The following NRG1 variants were observed in gnomAD, a reference collection of about 807,000 sequenced individuals.
The protein encoded by NRG1 is neuregulin 1.
NRG1 carries 18 observed loss-of-function variants against 63.8 expected under a neutral mutation model. The observed-to-expected ratio is 0.28, with a 90% CI of 0.19 to 0.42. The LOEUF is 0.42. NRG1 is among the 10% of genes least tolerant of loss of function. The probability of loss-of-function intolerance (pLI) is 1.00; values close to 1 mark genes in which losing one functional copy is unlikely to be tolerated. For synonymous variants in NRG1, 302 were observed against 301.3 expected (o/e 1.00, Z -0.02); for missense variants, 762 against 814.7 (o/e 0.94, Z 0.79).
At chr8:32,373,223 A>G (rs1267259660) in intron 1 of NRG1, among the ~76,000 whole-genome samples, 1 of 152,206 alleles carries the variant, frequency 6.6e-6, no homozygotes, top group Non-Finnish European at 1.5e-5. Flanking sequence ...AAAAAGGCAT[A>G]TATCCATCAA....
intron 1 of NRG1, among the ~76,000 whole-genome samples, chr8:32,071,987 T>C (rs960071): frequency 0.055 from 8,410 of 152,062 alleles, 775 homozygotes; most frequent in African/African-American, 0.19. Flanking sequence ...TCTTTAAGGG[T>C]AAAATAAAGA....
intron 1 of NRG1, among the ~76,000 whole-genome samples, chr8:32,059,469 T>G (rs998505859): frequency 6.6e-6 from 1 of 152,040 alleles, no homozygotes; most frequent in Non-Finnish European, 1.5e-5. Flanking sequence ...TTTATTATAA[T>G]ACATCCTAAA....
At chr8:32,653,659 G>C (rs1156681070) in intron 5 of NRG1, among the ~76,000 whole-genome samples, 3 of 152,156 alleles carry the variant, frequency 2.0e-5, no homozygotes, top group Non-Finnish European at 2.9e-5. Context: ...ATTATTTTCA[G>C]ATTCTAGAGA....
chr8:31,913,171 G>T (rs894102652), intron 1 of NRG1, among the ~76,000 whole-genome samples: 2 of 152,098 alleles, frequency 1.3e-5, no homozygotes, highest in African/African-American at 2.4e-5. Context: ...TTCAATATAG[G>T]TTTGCCAGAC....
chr8:32,425,458 T>C (rs1474500040), intron 1 of NRG1, among the ~76,000 whole-genome samples: 1 of 152,198 alleles, frequency 6.6e-6, no homozygotes, highest in Non-Finnish European at 1.5e-5. Flanking sequence ...TTGATTTAGA[T>C]CAGGGGTTAG....
At chr8:32,483,479 A>C (rs2129493580) in intron 1 of NRG1, among the ~76,000 whole-genome samples, 1 of 152,300 alleles carries the variant, frequency 6.6e-6, no homozygotes, top group East Asian at 1.9e-4. Flanking sequence ...CCTCTTGTTC[A>C]TTAGTCTGGA....
chr8:32,471,430 CT>C (rs1377197068), intron 1 of NRG1, among the ~76,000 whole-genome samples: 2 of 152,244 alleles, frequency 1.3e-5, no homozygotes, highest in East Asian at 3.9e-4. Context: ...TTCTAATCGA[CT>C]TTTCTTATAA....
intron 1 of NRG1, among the ~76,000 whole-genome samples, chr8:31,985,631 C>A (rs1164904432): frequency 6.6e-6 from 1 of 151,768 alleles, no homozygotes; most frequent in Non-Finnish European, 1.5e-5. Context: ...GGGAGTATTT[C>A]TACCTCAAAG....
rs116834543 is a variant in NRG1, at chr8:32,601,054, A to G, written c.279-4508A>G. Among the ~76,000 whole-genome samples, 1,411 of 152,256 alleles carry G rather than the reference A, an allele frequency of 9.3e-3. 12 individuals are homozygous for G. Among genetic ancestry groups the G allele is most frequent in the African/African-American group, 0.018 (743 of 41,568 alleles). ...TTTCAAGGAAGATTTGGCTCATTCTACACTCTTACTACATTCTGTCCTTAC... is the reference window on the plus strand; with the variant it reads ...TTTCAAGGAAGATTTGGCTCATTCTGCACTCTTACTACATTCTGTCCTTAC... On this transcript the variant is annotated intron_variant, in intron 2 of 11. Coordinates refer to ENST00000356819, the Ensembl canonical transcript of NRG1.
chr8:31,835,590 A>G (rs916207774), intron 1 of NRG1, among the ~76,000 whole-genome samples: 2 of 152,140 alleles, frequency 1.3e-5, no homozygotes, highest in Non-Finnish European at 2.9e-5. Context: ...GATTCATTAA[A>G]ATCACCGGGC....
At chr8:32,400,182 A>G (rs909149551) in intron 1 of NRG1, among the ~76,000 whole-genome samples, 10 of 152,226 alleles carry the variant, frequency 6.6e-5, no homozygotes, top group Non-Finnish European at 1.5e-4. Context: ...TATCGCTTCA[A>G]ATATCTATGT....
chr8:31,802,440 C>T (rs1257582780), intron 1 of NRG1, among the ~76,000 whole-genome samples: 1 of 151,974 alleles, frequency 6.6e-6, no homozygotes, highest in Admixed American at 6.6e-5. Flanking sequence ...TACATTTGTT[C>T]ATAGAGGTAT....
chr8:32,059,680 G>A (rs1823531908), intron 1 of NRG1, among the ~76,000 whole-genome samples: 2 of 151,932 alleles, frequency 1.3e-5, no homozygotes, highest in Non-Finnish European at 2.9e-5. Flanking sequence ...AAAACTTTTA[G>A]GAGCATCTCA....
chr8:31,833,377 T>C (rs1015702784), intron 1 of NRG1, among the ~76,000 whole-genome samples: 1 of 152,220 alleles, frequency 6.6e-6, no homozygotes, highest in Non-Finnish European at 1.5e-5. Flanking sequence ...TGGAAGCAAC[T>C]GACACCTAAC....
At chr8:32,770,154 C>T (rs1393070399), downstream of NRG1, among the ~76,000 whole-genome samples, 1 of 152,126 alleles carries the variant, frequency 6.6e-6, no homozygotes, top group Non-Finnish European at 1.5e-5. Context: ...TAAAGAATTA[C>T]CTCTGTAGAT....
At chr8:32,403,299 C>CAAA (rs68127664) in intron 1 of NRG1, among the ~76,000 whole-genome samples, 14 of 89,744 alleles carry the variant, frequency 1.6e-4, no homozygotes, top group African/African-American at 3.3e-4. Flanking sequence ...CACTCTGTCT[C>CAAA]AAAAAAAAAA....
rs115780097 is a variant in NRG1, at chr8:32,471,077, G to A, written c.38-124751G>A. On this transcript the variant is annotated intron_variant, in intron 1 of 10. Transcript: ENST00000519301. ...TCAGCCTCCCAGAGTGCTGGGGATTGCAGGCTGTTTAATAGAAGTTATCAA... is the reference window on the plus strand; with the variant it reads ...TCAGCCTCCCAGAGTGCTGGGGATTACAGGCTGTTTAATAGAAGTTATCAA... 9.4e-3 allele frequency among the ~76,000 whole-genome samples: 1,431 copies of A among 152,288 alleles called. 22 individuals carry two copies. The highest frequency in any genetic ancestry group is 0.033 in the African/African-American group (1,355 of 41,558).
intron 1 of NRG1, among the ~76,000 whole-genome samples, chr8:32,422,942 T>G (rs1422769123): frequency 6.6e-6 from 1 of 152,224 alleles, no homozygotes; most frequent in Non-Finnish European, 1.5e-5. Context: ...TTCACATGGT[T>G]TAAATTACTC....
At chr8:32,760,098 A>G (rs1182245271) in intron 10 of NRG1, 102 bp from the exon 11 acceptor site, 48 of 1,319,130 alleles carry the variant, frequency 3.6e-5, no homozygotes, top group Non-Finnish European at 4.7e-5. Context: ...CGGGTGCATC[A>G]GTAGTTTGAA....
Sources: gnomAD v4.1 joint callset for allele counts (sites outside exome capture counted in the v4.1 genomes callset) on GRCh38, gnomAD v4.1.1 for gene constraint, MANE v1.5 for transcripts, NCBI Gene and HGNC (gene_info 2026-07-23, HGNC 2026-07-21) for gene names.